The following CHRNG variants were observed in gnomAD, a reference collection of about 807,000 sequenced individuals.
CHRNG encodes the protein cholinergic receptor nicotinic gamma subunit.
A neutral mutation model predicts 65.2 loss-of-function variants in CHRNG; 72 were observed. The observed-to-expected ratio is 1.10, with a 90% confidence interval of 0.91 to 1.34. CHRNG has a LOEUF of 1.34. CHRNG is among the 40% of genes most tolerant of loss of function. CHRNG has a pLI of 0.00. For missense variants in CHRNG, 637 were observed against 680.1 expected, an observed-to-expected ratio of 0.94 and a Z score of 0.70; for synonymous variants, 284 against 290.2, an observed-to-expected ratio of 0.98 and a Z score of 0.22.
Position 232,546,495 on chromosome 2 carries a change from GCAC to G in CHRNG, c.*783_*785del, listed in dbSNP as rs1284960717. 2.0e-5 allele frequency: 3 copies of G among 152,786 alleles called. No homozygotes were observed. Among genetic ancestry groups the G allele is most frequent in the Admixed American group, 2.0e-4 (3 of 15,360 alleles). 9.5% of individuals were successfully genotyped at this position (152,786 alleles called of 1,614,324 possible). ...CCCAAGTAGCTGGCACCACAGGCAT[GCAC>G]CACTACACCCAGCTACTTTTAAATT... On this transcript the variant is annotated 3_prime_UTR_variant, in exon 12 of 12. Transcript: ENST00000651502.
chr2:232,544,823 C>A lies in CHRNG; in HGVS notation c.1301C>A (p.Ala434Asp), dbSNP rs764938199. The A allele has an allele frequency of 2.5e-6, 4 of 1,613,680 alleles. No individual in the cohort carries two copies. The highest frequency in any genetic ancestry group is 3.4e-6 in the Non-Finnish European group (4 of 1,179,936). ...LSQFCGSLKQ[A>D]APAIQACVEA... The stretch of plus-strand genomic sequence containing the variant: ...CAGTTCTGTGGCAGCCTGAAGCAGG[C>A]TGCCCCAGCCATCCAGGCCTGTGTG... Residue 434 changes from alanine (A) to aspartate (D), a missense_variant, in exon 11 of 12, where the codon GCT becomes GAT. By Grantham distance (126) the Ala-to-Asp change is moderately radical (BLOSUM62 -2). Transcript: ENST00000651502.
In CHRNG at chr2:232,545,874, T is replaced by G. The variant is rs964075091; in HGVS notation, c.*158T>G. 45 of 861,094 alleles carry G rather than the reference T, an allele frequency of 5.2e-5. No homozygotes were observed. The highest frequency in any genetic ancestry group is 8.1e-5 in the Non-Finnish European group (43 of 531,536). The allele number at this position is 861,094 out of a possible 1,614,324, so 53.3% of individuals were successfully genotyped here. Reference sequence around the variant, plus strand: ...GCCCTGAGAAAAGCTGGGGAAACAGTCTGAGCTGGAGTCCGAGAGTGGTTG... The same window carrying G: ...GCCCTGAGAAAAGCTGGGGAAACAGGCTGAGCTGGAGTCCGAGAGTGGTTG... On this transcript the variant is annotated 3_prime_UTR_variant, in exon 12 of 12. Transcript: ENST00000651502.
At position 232,541,389 on chromosome 2, in the gene CHRNG, C is replaced by A. The variant is rs753759008; in HGVS notation, c.366C>A (p.Phe122Leu). The A allele has an allele frequency of 3.7e-6, 6 of 1,613,972 alleles. No homozygotes were observed. Among genetic ancestry groups the A allele is most frequent in the Non-Finnish European group, 5.1e-6 (6 of 1,180,000 alleles). Residue 122 changes from phenylalanine (F) to leucine (L), a missense_variant, in exon 5 of 12, where the codon TTC becomes TTA. Coordinates refer to ENST00000651502, the MANE Select transcript of CHRNG (RefSeq NM_005199.5). The surrounding 1 kb of genome is among the most constrained non-coding windows in gnomAD (Gnocchi z 4.0). ...IVLENNVDGV[F>L]EVALYCNVLV... ...GTGCATACAGCGTGGACGGTGTCTT[C>A]GAGGTGGCCCTCTACTGCAATGTGC...
chr2:232,543,207 G>C (rs1204788395), intron 7 of CHRNG, 68 bp from the exon 8 acceptor site: 21 of 1,527,210 alleles, frequency 1.4e-5, no homozygotes, highest in Non-Finnish European at 1.9e-5. Flanking sequence ...GCTACTTCTG[G>C]GGTAAGGGGT....
chr2:232,544,369 G>A lies in CHRNG; in HGVS notation c.1038G>A (p.Val346=), dbSNP rs1692080569. Residue 346 remains valine (V), a splice_region_variant and synonymous_variant, in exon 10 of 12, where the codon GTG becomes GTA. Coordinates refer to ENST00000651502, the MANE Select transcript of CHRNG (RefSeq NM_005199.5). ...THSMARGVRK[V]FLRLLPQLLR... The stretch of plus-strand genomic sequence containing the variant: ...TAGTGAAGCCACCCCCTCTCTAGGT[G>A]TTCCTGAGGCTCTTGCCCCAGCTGC... 6.2e-7 allele frequency: 1 copy of A among 1,612,910 alleles called. No individual in the cohort carries two copies. The highest frequency in any genetic ancestry group is 1.3e-5 in the African/African-American group (1 of 74,930).
chr2:232,544,668 G>C (rs1214489949), intron 10 of CHRNG, 88 bp downstream of exon 10: 6 of 1,564,526 alleles, frequency 3.8e-6, no homozygotes, highest in Non-Finnish European at 4.4e-6. Context: ...CTGGAGAAGT[G>C]CCCAGGTCAG....
chr2:232,543,162 CAG>C (rs1449629082), intron 7 of CHRNG, 80 bp downstream of exon 7: 2 of 1,536,684 alleles, frequency 1.3e-6, no homozygotes, highest in African/African-American at 2.7e-5. Flanking sequence ...GCCTGGGGAA[CAG>C]AGTGGCATTA....
chr2:232,544,694 G>A, intron 10 of CHRNG, 78 bp from the exon 11 acceptor site: 5 of 1,581,846 alleles, frequency 3.2e-6, no homozygotes, highest in South Asian at 2.2e-5. Flanking sequence ...GAGGAGCTGG[G>A]GTCCCTAAGG....
At chr2:232,545,318 CAAAA>C (rs1156427198) in intron 11 of CHRNG, among the ~76,000 whole-genome samples, 2 of 64,736 alleles carry the variant, frequency 3.1e-5, no homozygotes, top group African/African-American at 5.4e-5. Context: ...GACTCCGTCT[CAAAA>C]AAAAAAAAAA....
Position 232,545,623 on chromosome 2 carries a change from C to G in CHRNG, c.1461C>G (p.Gly487=). Residue 487 remains glycine (G), a synonymous_variant, in exon 12 of 12, where the codon GGC becomes GGG. Coordinates refer to ENST00000651502, the MANE Select transcript of CHRNG (RefSeq NM_005199.5). ...FLAMLSLFIC[G]TAGIFLMAHY... ...CCATGCTCTCGCTCTTCATCTGTGG[C>G]ACAGCTGGCATCTTCCTCATGGCCC... is the stretch of plus-strand genomic sequence containing the variant. 1 of 1,614,162 alleles carries G rather than the reference C, an allele frequency of 6.2e-7. No homozygotes were observed. The highest frequency in any genetic ancestry group is 1.1e-5 in the South Asian group (1 of 91,090).
intron 7 of CHRNG, 23 bp downstream of exon 7, chr2:232,543,105 A>G: frequency 1.2e-6 from 2 of 1,610,812 alleles, no homozygotes; most frequent in Non-Finnish European, 1.7e-6. Context: ...TATGGGAAGG[A>G]GCCATCCAGT....
intron 8 of CHRNG, 40 bp from the exon 9 acceptor site, chr2:232,543,545 T>G (rs114074587): frequency 2.9e-6 from 4 of 1,386,584 alleles, no homozygotes; most frequent in Non-Finnish European, 4.1e-6. Context: ...GGTGGCATCA[T>G]GGTATGGGCT....
In CHRNG at chr2:232,541,914, G is replaced by A; in HGVS notation, c.506+385G>A. 2.9e-6 allele frequency: 1 copy of A among 349,334 alleles called. No homozygotes were observed. The highest frequency in any genetic ancestry group is 5.4e-6 in the Non-Finnish European group (1 of 183,954). 21.6% of individuals were successfully genotyped at this position (349,334 alleles called of 1,614,324 possible). ...TCCTGTGAGAGAGGGGCCCTGGCAG[G>A]GAATCCAGCGGAAGCATGTATGCAA... On this transcript the variant is annotated intron_variant, in intron 5 of 11. Coordinates refer to ENST00000651502, the MANE Select transcript of CHRNG (RefSeq NM_005199.5). The surrounding 1 kb of genome is among the most constrained non-coding windows in gnomAD (Gnocchi z 4.0).
chr2:232,543,493 T>G, intron 8 of CHRNG, 92 bp from the exon 9 acceptor site: 1 of 1,168,962 alleles, frequency 8.6e-7, no homozygotes, highest in South Asian at 1.3e-5. Flanking sequence ...CCCCCCATCC[T>G]CAATTCAGGA....
Position 232,539,705 on chromosome 2 carries a change from G to A in CHRNG, c.-43G>A, listed in dbSNP as rs1322984039. 3.7e-6 allele frequency: 6 copies of A among 1,600,248 alleles called. No homozygotes were observed. In the Admixed American group the frequency reaches 5.0e-5, roughly 13 times the overall value. On this transcript the variant is annotated 5_prime_UTR_variant, in exon 1 of 12. Transcript: ENST00000651502. Reference sequence around the variant, plus strand: ...CCATCTCTCTCTGCCCCAGACCTTGGAGCTGTTGTCCCACCCCTGTCACTG... The same window carrying A: ...CCATCTCTCTCTGCCCCAGACCTTGAAGCTGTTGTCCCACCCCTGTCACTG...
chr2:232,545,992 C>T lies in CHRNG; in HGVS notation c.*276C>T. Reference sequence around the variant, plus strand: ...ACCAGCCACCCCTCCACTCAGTGCACTCCCCTCACTTAGGCAAAGCATTAT... The same window carrying T: ...ACCAGCCACCCCTCCACTCAGTGCATTCCCCTCACTTAGGCAAAGCATTAT... On this transcript the variant is annotated 3_prime_UTR_variant, in exon 12 of 12. Coordinates refer to ENST00000651502, the MANE Select transcript of CHRNG (RefSeq NM_005199.5). The T allele has an allele frequency of 1.8e-6, 1 of 567,542 alleles. No homozygotes were observed. The highest frequency in any genetic ancestry group is 2.8e-5 in the Admixed American group (1 of 35,350). The allele number at this position is 567,542 out of a possible 1,614,324, so 35.2% of individuals were successfully genotyped here.
In CHRNG at chr2:232,541,288, C is replaced by T; in HGVS notation, c.351-86C>T. On this transcript the variant is annotated intron_variant, in intron 4 of 11. Coordinates refer to ENST00000651502, the MANE Select transcript of CHRNG (RefSeq NM_005199.5). The surrounding 1 kb of genome is among the most constrained non-coding windows in gnomAD (Gnocchi z 4.0). ...GGACTGGTGTCCCCAGGCCCCTATC[C>T]ACATGGGGCACAGGGGCTGGTCTGG... 1.3e-6 allele frequency: 2 copies of T among 1,547,618 alleles called. No homozygotes were observed. The highest frequency in any genetic ancestry group is 1.8e-6 in the Non-Finnish European group (2 of 1,124,588).
At chr2:232,545,335 A>C (rs1405148706) in intron 11 of CHRNG, among the ~76,000 whole-genome samples, 8 of 146,740 alleles carry the variant, frequency 5.5e-5, no homozygotes, top group African/African-American at 2.0e-4. Flanking sequence ...AAAAAAAAGG[A>C]AAGAAAGAAA....
In CHRNG at chr2:232,541,399, C is replaced by T. The variant is rs778805366; in HGVS notation, c.376C>T (p.Leu126Phe). 7 of 1,614,124 alleles carry T rather than the reference C, an allele frequency of 4.3e-6. No homozygotes were observed. The South Asian group carries it at 7.7e-5, about 18-fold the overall frequency. Residue 126 changes from leucine to phenylalanine, a missense_variant, in exon 5 of 12, where the codon CTC (leucine) becomes TTC (phenylalanine). Transcript: ENST00000651502. The surrounding 1 kb of genome is among the most constrained non-coding windows in gnomAD (Gnocchi z 4.0). ...CGTGGACGGTGTCTTCGAGGTGGCC[C>T]TCTACTGCAATGTGCTCGTGTCCCC... ...NNVDGVFEVA[L>F]YCNVLVSPDG...
Sources: allele counts gnomAD v4.1 joint callset (sites outside exome capture counted in the v4.1 genomes callset), GRCh38; gene constraint gnomAD v4.1.1; non-coding constraint Gnocchi (gnomAD v3.1); transcripts MANE v1.5; gene names NCBI Gene and HGNC (gene_info 2026-07-23, HGNC 2026-07-21).